KNSTRN: variants seen among roughly 807,000 people sequenced by gnomAD.
KNSTRN encodes small kinetochore-associated protein.
A neutral mutation model predicts 44.7 loss-of-function variants in KNSTRN; 38 were observed. The observed-to-expected ratio is 0.85, with a 90% CI of 0.66 to 1.11. The LOEUF is 1.11. KNSTRN is among the 50% of genes most tolerant of loss of function. The pLI is 0.00. For missense variants in KNSTRN, 406 were observed against 375.8 expected, an observed-to-expected ratio of 1.08 and a Z score of -0.66; for synonymous variants, 158 against 148.1, an observed-to-expected ratio of 1.07 and a Z score of -0.48.
intron 2 of KNSTRN, 123 bp downstream of exon 2, chr15:40,383,445 G>A (rs910583947): frequency 7.2e-5 from 50 of 691,374 alleles, no homozygotes; most frequent in Middle Eastern, 3.7e-4. Flanking sequence ...AAACCTGTGA[G>A]CCCCCTATAA....
chr15:40,384,043 G>C (rs2141271760), intron 2 of KNSTRN: 1 of 163,106 alleles, frequency 6.1e-6, no homozygotes, highest in African/African-American at 2.4e-5. Context: ...CTTCCCAGAT[G>C]ATTCCACTCA....
chr15:40,383,686 A>C (rs1889854443), intron 2 of KNSTRN, among the ~76,000 whole-genome samples: 1 of 152,196 alleles, frequency 6.6e-6, no homozygotes, highest in Non-Finnish European at 1.5e-5. Context: ...TCAGGGAGGA[A>C]AGAGGAGAAT....
At chr15:40,386,758 T>C (rs1000815187) in intron 3 of KNSTRN, 33 of 520,840 alleles carry the variant, frequency 6.3e-5, no homozygotes, top group African/African-American at 5.5e-4. Flanking sequence ...ACTGTAGTCA[T>C]ACAGCAACCC....
chr15:40,386,276 C>G (rs969286085), intron 2 of KNSTRN, 86 bp from the exon 3 acceptor site: 1 of 1,324,652 alleles, frequency 7.5e-7, no homozygotes, highest in East Asian at 2.4e-5. Context: ...AGATTTATGA[C>G]AACTTCGAAT....
intron 2 of KNSTRN, among the ~76,000 whole-genome samples, chr15:40,383,632 TC>T (rs1160819668): frequency 2.0e-5 from 3 of 152,238 alleles, no homozygotes; most frequent in Admixed American, 6.5e-5. Context: ...TCGGTTATCG[TC>T]TTATTTCCAG....
intron 2 of KNSTRN, among the ~76,000 whole-genome samples, chr15:40,385,604 G>A (rs1486768451): frequency 6.6e-6 from 1 of 152,186 alleles, no homozygotes; most frequent in East Asian, 1.9e-4. Flanking sequence ...GGGACACAAA[G>A]ATGCCTTAGA....
Position 40,394,051 on chromosome 15 carries a change from T to C in KNSTRN, c.*454T>C. ...CCCTTCTAACCTGAAACACATTCTT[T>C]CCCATCCTGGTTGGGCTTCTGTACC... On this transcript the variant is annotated 3_prime_UTR_variant, in exon 9 of 9. Transcript: ENST00000249776. The C allele has an allele frequency of 6.5e-6, 1 of 153,564 alleles. No homozygotes were observed. The highest frequency in any genetic ancestry group is 6.5e-5 in the Admixed American group (1 of 15,434). The allele number at this position is 153,564 out of a possible 1,614,324, so 9.5% of individuals were successfully genotyped here. A position where few individuals can be genotyped will look rare whatever the true frequency, so the allele number is the denominator to read the frequency against.
rs1158736738 is a variant in KNSTRN at position 40,382,812 on chromosome 15, C to G, written c.-24C>G. ...ACCTTTCGCTAGGTCTGGCTCTGGC[C>G]TCTGAGCGAACCTTCCGTACAGTAT... On this transcript the variant is annotated 5_prime_UTR_variant, in exon 1 of 9. Transcript: ENST00000249776. 6.2e-7 allele frequency: 1 copy of G among 1,603,276 alleles called. No homozygotes were observed. The highest frequency in any genetic ancestry group is 1.7e-5 in the Admixed American group (1 of 58,288).
Position 40,389,784 on chromosome 15 carries a change from C to T in KNSTRN, c.592-52C>T. The T allele has an allele frequency of 2.6e-6, 4 of 1,559,998 alleles. No homozygotes were observed. In the South Asian group the frequency reaches 3.3e-5, roughly 13 times the overall value. On this transcript the variant is annotated intron_variant, in intron 5 of 8. Transcript: ENST00000249776. The stretch of plus-strand genomic sequence containing the variant: ...AAGAGCAAGGGCAAGAAAGGGCAAC[C>T]ACCCCTAGGGAGTTGGACAATTCCT...
At chr15:40,383,825 T>C (rs1889857164) in intron 2 of KNSTRN, among the ~76,000 whole-genome samples, 1 of 152,230 alleles carries the variant, frequency 6.6e-6, no homozygotes, top group Non-Finnish European at 1.5e-5. Context: ...AGGCACAGTA[T>C]TTGAGAAACT....
chr15:40,389,987 G>A (rs1430932082), intron 6 of KNSTRN, 58 bp downstream of exon 6: 4 of 1,382,900 alleles, frequency 2.9e-6, no homozygotes, highest in Admixed American at 1.7e-5. Context: ...TGCCCCTTCC[G>A]GGGTTGATCT....
intron 8 of KNSTRN, chr15:40,393,230 A>G (rs768211520): frequency 1.2e-6 from 2 of 1,613,822 alleles, no homozygotes; most frequent in Non-Finnish European, 1.7e-6. Context: ...CACCAAATGT[A>G]GAGGATTTCA....
In KNSTRN at chr15:40,393,554, TAAC is replaced by T; in HGVS notation, c.913_915del (p.Thr305del). 1.2e-6 allele frequency: 2 copies of T among 1,614,052 alleles called. No homozygotes were observed. Among genetic ancestry groups the T allele is most frequent in the African/African-American group, 1.3e-5 (1 of 75,042 alleles). On this transcript the variant is annotated inframe_deletion, in exon 9 of 9. Coordinates refer to ENST00000249776, the MANE Select transcript of KNSTRN (RefSeq NM_033286.4). ...TTATGTAACAATCAAGTAAATGATTTAACAACAGCCCTTAAGGAAATGGAGCAG... is the reference window on the plus strand; with the variant it reads ...TTATGTAACAATCAAGTAAATGATTTAACAGCCCTTAAGGAAATGGAGCAG...
At position 40,393,520 on chromosome 15, in the gene KNSTRN, C is replaced by T. The variant is rs1310207988; in HGVS notation, c.874C>T (p.Gln292Ter). 6.2e-7 allele frequency: 1 copy of T among 1,614,074 alleles called. No individual in the cohort carries two copies. Among genetic ancestry groups the T allele is most frequent in the South Asian group, 1.1e-5 (1 of 91,082 alleles). ...AGAGGAAAGAGTCCGATTCCTAGAACAGCAAACCTTATGTAACAATCAAGT... is the reference window on the plus strand; with the variant it reads ...AGAGGAAAGAGTCCGATTCCTAGAATAGCAAACCTTATGTAACAATCAAGT... ...MKEERVRFLEQQTLCNNQVND... is the reference protein window; with the variant it reads ...MKEERVRFLE The change falls in exon 9 of 9, where the codon CAG becomes TAG. Residue 292 changes from glutamine (Q) to a stop codon, truncating the protein, a stop_gained. Transcript: ENST00000249776. LOFTEE classifies it high-confidence loss of function.
At chr15:40,383,137 C>A (rs1889841762) in intron 1 of KNSTRN, 91 bp from the exon 2 acceptor site, 4 of 1,579,824 alleles carry the variant, frequency 2.5e-6, no homozygotes, top group Non-Finnish European at 3.5e-6. Flanking sequence ...AACCCCGAGC[C>A]GGGGCCTGTC....
intron 4 of KNSTRN, 58 bp from the exon 5 acceptor site, chr15:40,389,448 G>A: frequency 7.7e-7 from 1 of 1,297,870 alleles, no homozygotes; most frequent in Non-Finnish European, 1.1e-6. Flanking sequence ...ACCGCACCTG[G>A]TGTGGGCCAT....
rs569190454 is a variant in KNSTRN at position 40,384,169 on chromosome 15, G to C, written c.304+847G>C. On this transcript the variant is annotated intron_variant, in intron 2 of 8. Transcript: ENST00000249776. ...TGGGCAGATCACGAGGTCAGGAGAT[G>C]GAGACCATCCTGGCTAACACGGTGA... 5 of 233,996 alleles carry C rather than the reference G, an allele frequency of 2.1e-5. No individual in the cohort carries two copies. In the East Asian group the frequency reaches 4.2e-4, roughly 20 times the overall value. 14.5% of individuals were successfully genotyped at this position (233,996 alleles called of 1,614,324 possible).
chr15:40,384,377 A>G, intron 2 of KNSTRN: 1 of 434,082 alleles, frequency 2.3e-6, no homozygotes, highest in Non-Finnish European at 4.6e-6. Flanking sequence ...CCGTCTCAAA[A>G]AAAAAAAGAT....
chr15:40,386,326 G>A, intron 2 of KNSTRN, 36 bp from the exon 3 acceptor site: 1 of 1,601,482 alleles, frequency 6.2e-7, no homozygotes, highest in Non-Finnish European at 8.5e-7. Context: ...GTCGGGTCAT[G>A]ATGCCAGAAG....
Sources: gnomAD v4.1 joint callset for allele counts (sites outside exome capture counted in the v4.1 genomes callset) on GRCh38, gnomAD v4.1.1 for gene constraint, MANE v1.5 for transcripts, NCBI Gene and HGNC (gene_info 2026-07-23, HGNC 2026-07-21) for gene names.